Variants in PPP2R2C observed in about 807,000 individuals in gnomAD.
PPP2R2C encodes the protein protein phosphatase 2 regulatory subunit Bgamma.
Under a neutral mutation model 45.3 loss-of-function variants are expected in PPP2R2C, and 10 were observed. The observed-to-expected ratio is 0.22, with a 90% CI of 0.14 to 0.37. PPP2R2C has a LOEUF of 0.37. Among genes scored for constraint, PPP2R2C ranks in the 10% least tolerant of loss-of-function variants. The pLI, the probability that PPP2R2C is intolerant of heterozygous loss-of-function variation, is 1.00. For missense variants in PPP2R2C, 308 were observed against 619.7 expected, an observed-to-expected ratio of 0.50 and a Z score of 5.34; for synonymous variants, 257 against 245.4, an observed-to-expected ratio of 1.05 and a Z score of -0.44.
chr4:6,507,531 A>C (rs1305993544), intron 2 of PPP2R2C, among the ~76,000 whole-genome samples: 4 of 152,224 alleles, frequency 2.6e-5, no homozygotes, highest in African/African-American at 9.6e-5. Flanking sequence ...TGAGAGGCCG[A>C]GCCAGCCTCC....
At chr4:6,376,531 C>T (rs961368520) in intron 3 of PPP2R2C, among the ~76,000 whole-genome samples, 1 of 151,904 alleles carries the variant, frequency 6.6e-6, no homozygotes, top group South Asian at 2.1e-4. Flanking sequence ...CAGCTCACTA[C>T]AGCCTTGACT....
At chr4:6,552,121 C>T (rs537599804) in intron 1 of PPP2R2C, among the ~76,000 whole-genome samples, 1 of 152,342 alleles carries the variant, frequency 6.6e-6, no homozygotes, top group East Asian at 1.9e-4. Flanking sequence ...GAGACCTGAG[C>T]CCACTGTTCC....
At chr4:6,558,323 C>A (rs574188450) in intron 1 of PPP2R2C, among the ~76,000 whole-genome samples, 1 of 152,318 alleles carries the variant, frequency 6.6e-6, no homozygotes, top group Admixed American at 6.5e-5. Flanking sequence ...CATCCCCTTG[C>A]TTGGGAGAGC....
chr4:6,388,992 G>A (rs919353123), intron 1 of PPP2R2C, among the ~76,000 whole-genome samples: 2 of 151,658 alleles, frequency 1.3e-5, no homozygotes, highest in Admixed American at 1.3e-4. Context: ...TCTTCTCCAC[G>A]TGCCACCTGG....
At chr4:6,465,251 C>T (rs1317279345) in intron 1 of PPP2R2C, among the ~76,000 whole-genome samples, 2 of 152,160 alleles carry the variant, frequency 1.3e-5, no homozygotes, top group East Asian at 3.9e-4. Context: ...GTAGGTCTAA[C>T]TTCTAGCTTG....
intron 1 of PPP2R2C, among the ~76,000 whole-genome samples, chr4:6,558,293 G>A (rs554697721): frequency 1.3e-5 from 2 of 152,304 alleles, no homozygotes; most frequent in South Asian, 4.1e-4. Flanking sequence ...GTGCTGGTGG[G>A]GCTGTCACTT....
chr4:6,336,368 G>A (rs536731116), intron 6 of PPP2R2C, among the ~76,000 whole-genome samples: 4 of 152,180 alleles, frequency 2.6e-5, no homozygotes, highest in Non-Finnish European at 2.9e-5. Context: ...GGGTGAGGCC[G>A]CTCGCAGAGG....
intron 1 of PPP2R2C, among the ~76,000 whole-genome samples, chr4:6,538,185 C>A (rs1263982551): frequency 6.6e-6 from 1 of 152,126 alleles, no homozygotes; most frequent in Non-Finnish European, 1.5e-5. Context: ...ATTTAATCTT[C>A]CCAACGGCCC....
chr4:6,416,449 C>G (rs536722511), intron 1 of PPP2R2C, among the ~76,000 whole-genome samples: 4 of 152,348 alleles, frequency 2.6e-5, no homozygotes, highest in African/African-American at 9.6e-5. Context: ...TCCCTCCCAG[C>G]TCCTCCTGAT....
chr4:6,333,724 T>C lies in PPP2R2C; in HGVS notation c.798A>G (p.Glu266=), dbSNP rs765263780. Residue 266 remains glutamate, a synonymous_variant, in exon 7 of 9, where the codon GAA becomes GAG. Coordinates refer to ENST00000382599, the MANE Select transcript of PPP2R2C (RefSeq NM_020416.4). ...ALCDKHSKLF[E]EPEDPSNRSF... ...AGCGGTTACTGGGGTCCTCAGGCTC[T>C]TCAAAGACTGTGGAGACAGAGAAGC... 4 of 1,614,064 alleles carry C rather than the reference T, an allele frequency of 2.5e-6. No homozygotes were observed. The highest frequency in any genetic ancestry group is 1.7e-6 in the Non-Finnish European group (2 of 1,179,966).
intron 1 of PPP2R2C, among the ~76,000 whole-genome samples, chr4:6,426,010 G>A (rs1415982666): frequency 6.6e-6 from 1 of 152,124 alleles, no homozygotes; most frequent in Non-Finnish European, 1.5e-5. Context: ...CTGTTCCTGG[G>A]TACAGGCCTG....
At chr4:6,426,650 C>G (rs1195075928) in intron 1 of PPP2R2C, among the ~76,000 whole-genome samples, 1 of 152,240 alleles carries the variant, frequency 6.6e-6, no homozygotes, top group Admixed American at 6.5e-5. Context: ...CAGAAACACA[C>G]TCAGTGTCAG....
At chr4:6,522,987 C>T (rs1285897346) in intron 2 of PPP2R2C, among the ~76,000 whole-genome samples, 1 of 152,224 alleles carries the variant, frequency 6.6e-6, no homozygotes, top group Non-Finnish European at 1.5e-5. Context: ...AGCAGCCTGG[C>T]AGGGGTGGAC....
At chr4:6,560,156 G>C (rs538537712) in intron 1 of PPP2R2C, among the ~76,000 whole-genome samples, 1 of 152,252 alleles carries the variant, frequency 6.6e-6, no homozygotes, top group African/African-American at 2.4e-5. Flanking sequence ...GGTGCCCCAG[G>C]GCAGGGAGCA....
intron 1 of PPP2R2C, 139 bp downstream of exon 1, chr4:6,472,021 G>A: frequency 2.9e-6 from 3 of 1,044,520 alleles, no homozygotes; most frequent in Admixed American, 4.3e-5. Flanking sequence ...GGGGTGGGGT[G>A]GGGTGGGATG....
chr4:6,424,049 G>A (rs1451629436), intron 1 of PPP2R2C, among the ~76,000 whole-genome samples: 3 of 152,204 alleles, frequency 2.0e-5, no homozygotes. Context: ...CTGGAGGAAG[G>A]GCCACGGCAG....
intron 1 of PPP2R2C, among the ~76,000 whole-genome samples, chr4:6,430,885 A>G (rs1451618244): frequency 6.6e-6 from 1 of 151,934 alleles, no homozygotes; most frequent in African/African-American, 2.4e-5. Flanking sequence ...AGATCGCACC[A>G]CTGCACTCCA....
At chr4:6,537,551 GT>G (rs66460332) in intron 1 of PPP2R2C, among the ~76,000 whole-genome samples, 39,937 of 127,284 alleles carry the variant, frequency 0.31, 4,722 homozygotes, top group Middle Eastern at 0.4. Context: ...AAGATTTTTT[GT>G]TTTTTTTTTT....
chr4:6,360,050 T>C lies in PPP2R2C; in HGVS notation c.626-12040A>G, dbSNP rs186147659. On this transcript the variant is annotated intron_variant, in intron 5 of 8. Transcript: ENST00000382599. ...CTAATCTAAAAACCACAGCAAGTAA[T>C]TGAACTTTGAGACATGGTAATAACC... 2.2e-4 allele frequency among the ~76,000 whole-genome samples: 33 copies of C among 152,262 alleles called. No individual in the cohort carries two copies. In the East Asian group the frequency reaches 3.5e-3, roughly 16 times the overall value.
Sources: allele counts gnomAD v4.1 joint callset (sites outside exome capture counted in the v4.1 genomes callset), GRCh38; gene constraint gnomAD v4.1.1; transcripts MANE v1.5; gene names NCBI Gene and HGNC (gene_info 2026-07-23, HGNC 2026-07-21).